Variants in FREM2 observed in about 807,000 individuals in gnomAD.
FREM2 encodes FRAS1 related extracellular matrix 2.
Under a neutral mutation model 219.9 loss-of-function variants are expected in FREM2, and 119 were observed. That is an observed-to-expected ratio of 0.54 (90% confidence interval 0.47 to 0.63). FREM2 has a LOEUF of 0.63. Ranked by LOEUF, FREM2 falls within the 30% of genes least tolerant of loss-of-function variation. The pLI is 0.00. For missense variants in FREM2, 4,030 were observed against 3,993.6 expected, an observed-to-expected ratio of 1.01 and a Z score of -0.25; for synonymous variants, 1,562 against 1,522.8, an observed-to-expected ratio of 1.03 and a Z score of -0.60.
intron 6 of FREM2, among the ~76,000 whole-genome samples, chr13:38,835,512 T>A (rs984450343): frequency 3.3e-5 from 5 of 152,252 alleles, no homozygotes; most frequent in African/African-American, 7.2e-5. Flanking sequence ...TGGAATAGCA[T>A]TGAATCTATA....
chr13:38,872,346 A>G (rs1264895284), intron 16 of FREM2, among the ~76,000 whole-genome samples: 2 of 152,148 alleles, frequency 1.3e-5, no homozygotes, highest in African/African-American at 4.8e-5. Context: ...GGTGATGAAA[A>G]TCTTCTAAAA....
intron 16 of FREM2, 83 bp downstream of exon 16, chr13:38,864,689 C>A: frequency 8.3e-7 from 1 of 1,201,314 alleles, no homozygotes. Context: ...TAAGTCCCAA[C>A]TCCAGTTTTC....
intron 2 of FREM2, among the ~76,000 whole-genome samples, chr13:38,752,512 A>G (rs1264696155): frequency 6.6e-6 from 1 of 152,178 alleles, no homozygotes; most frequent in Non-Finnish European, 1.5e-5. Flanking sequence ...ACAGTATTTT[A>G]ATTCATAGAA....
intron 2 of FREM2, among the ~76,000 whole-genome samples, chr13:38,712,138 C>A (rs1464803871): frequency 1.3e-5 from 2 of 151,994 alleles, no homozygotes; most frequent in African/African-American, 4.8e-5. Flanking sequence ...TCGTGATCCA[C>A]CTGCCTCGGC....
At chr13:38,743,143 C>A (rs953293118) in intron 2 of FREM2, among the ~76,000 whole-genome samples, 1 of 152,096 alleles carries the variant, frequency 6.6e-6, no homozygotes, top group Admixed American at 6.6e-5. Flanking sequence ...ATGTGAGGGT[C>A]TCCTGGCATC....
At chr13:38,808,686 T>C (rs565205677) in intron 6 of FREM2, among the ~76,000 whole-genome samples, 1 of 152,042 alleles carries the variant, frequency 6.6e-6, no homozygotes, top group Admixed American at 6.6e-5. Context: ...GGGCGCTGTT[T>C]GTGGCACCCC....
chr13:38,826,684 G>A (rs1441823555), intron 6 of FREM2, among the ~76,000 whole-genome samples: 5 of 152,030 alleles, frequency 3.3e-5, no homozygotes, highest in African/African-American at 9.7e-5. Context: ...CATATTAATC[G>A]TCATCTTTCT....
intron 1 of FREM2, among the ~76,000 whole-genome samples, chr13:38,696,549 A>G (rs1379656538): frequency 5.9e-5 from 9 of 152,186 alleles, no homozygotes; most frequent in Non-Finnish European, 1.3e-4. Context: ...TCTTGACTTT[A>G]TGTAGTCTTA....
intron 16 of FREM2, among the ~76,000 whole-genome samples, chr13:38,866,932 C>A (rs1448598209): frequency 6.6e-6 from 1 of 152,200 alleles, no homozygotes; most frequent in Non-Finnish European, 1.5e-5. Flanking sequence ...AGCCTGCCCT[C>A]TACTGTGTTC....
At chr13:38,766,708 A>G (rs1873450156) in intron 3 of FREM2, among the ~76,000 whole-genome samples, 1 of 152,228 alleles carries the variant, frequency 6.6e-6, no homozygotes, top group Admixed American at 6.5e-5. Flanking sequence ...ACTAAAACTA[A>G]TAAACTAGAT....
chr13:38,859,393 C>A lies in FREM2; in HGVS notation c.7322C>A (p.Ala2441Glu). Residue 2441 changes from alanine to glutamate, a missense_variant, in exon 14 of 24, where the codon GCG (alanine) becomes GAG (glutamate). Around this residue, in one of 2 missense-constraint regions of FREM2, gnomAD observed 928 missense variants for 1,042.9 expected, o/e 0.89. Coordinates refer to ENST00000280481, the MANE Select transcript of FREM2 (RefSeq NM_207361.6). ...TACCGGTGGCTGATTAGTGCACCTGCGGGCCCTGACGGTGTGACCAGCCCT... is the reference window on the plus strand; with the variant it reads ...TACCGGTGGCTGATTAGTGCACCTGAGGGCCCTGACGGTGTGACCAGCCCT... ...TRYRWLISAP[A>E]GPDGVTSPMR... The A allele has an allele frequency of 6.2e-7, 1 of 1,614,158 alleles. No homozygotes were observed. Among genetic ancestry groups the A allele is most frequent in the African/African-American group, 1.3e-5 (1 of 75,042 alleles).
chr13:38,842,639 A>G (rs925777727), intron 6 of FREM2, among the ~76,000 whole-genome samples: 11 of 152,242 alleles, frequency 7.2e-5, no homozygotes, highest in African/African-American at 2.7e-4. Context: ...GCTTACTTGA[A>G]TGATGGTCTA....
At chr13:38,805,362 A>G (rs572125073) in intron 6 of FREM2, among the ~76,000 whole-genome samples, 1 of 152,062 alleles carries the variant, frequency 6.6e-6, no homozygotes, top group African/African-American at 2.4e-5. Flanking sequence ...CGTTCAAAAA[A>G]GATTGTGCGT....
intron 2 of FREM2, among the ~76,000 whole-genome samples, chr13:38,739,815 T>A (rs776142097): frequency 2.0e-5 from 3 of 152,196 alleles, no homozygotes; most frequent in Non-Finnish European, 4.4e-5. Flanking sequence ...TTGGAATTTG[T>A]TTTACTGATA....
At chr13:38,769,897 T>A (rs1873588454) in intron 4 of FREM2, 89 bp downstream of exon 4, 1 of 947,890 alleles carries the variant, frequency 1.1e-6, no homozygotes, top group Non-Finnish European at 1.7e-6. Context: ...AGTTTTAAAT[T>A]CAATGTTTGA....
At chr13:38,857,734 C>A in intron 12 of FREM2, 141 bp from the exon 13 acceptor site, 1 of 721,252 alleles carries the variant, frequency 1.4e-6, no homozygotes. Context: ...GGGCCTGTTG[C>A]TCTCCAGGGG....
At chr13:38,693,881 C>T (rs1566107091) in intron 1 of FREM2, among the ~76,000 whole-genome samples, 1 of 152,150 alleles carries the variant, frequency 6.6e-6, no homozygotes, top group African/African-American at 2.4e-5. Context: ...CTCAAAGTGC[C>T]AAGTGTCATG....
rs745954947 is a variant in FREM2, at chr13:38,690,183, A to G, written c.2839A>G (p.Thr947Ala). Reference sequence around the variant, plus strand: ...TGAAGTGCCCATACTGAGCCATCCTACTGGCACTCTGGAGTCCTATCTAGA... The same window carrying G: ...TGAAGTGCCCATACTGAGCCATCCTGCTGGCACTCTGGAGTCCTATCTAGA... Reference protein sequence around the residue: ...DDEVPILSHPTGTLESYLDVL... With the variant: ...DDEVPILSHPAGTLESYLDVL... Residue 947 changes from threonine to alanine, a missense_variant, in exon 1 of 24, where the codon ACT becomes GCT. Thr to Ala is a moderately conservative substitution (Grantham distance 58). This residue lies in a region of FREM2 where 3,102 missense variants were observed against 2,950.7 expected (regional missense o/e 1.05). Transcript: ENST00000280481. 2.3e-5 allele frequency: 37 copies of G among 1,614,036 alleles called. No homozygotes were observed. The highest frequency in any genetic ancestry group is 3.0e-5 in the Non-Finnish European group (35 of 1,180,018).
Position 38,856,578 on chromosome 13 carries a change from G to A in FREM2, c.7056+322G>A, listed in dbSNP as rs140227475. On this transcript the variant is annotated intron_variant, in intron 12 of 23. Coordinates refer to ENST00000280481, the MANE Select transcript of FREM2 (RefSeq NM_207361.6). The stretch of plus-strand genomic sequence containing the variant: ...CTTGGGATTAACCATCAGAGAGAAA[G>A]CAACATCTCAGAGTAAAGAGGGAAC... 4.2e-3 allele frequency among the ~76,000 whole-genome samples: 632 copies of A among 152,056 alleles called. 3 individuals carry two copies. The Middle Eastern group carries it at 0.048, about 11-fold the overall frequency.
Sources: gnomAD v4.1 joint callset for allele counts (sites outside exome capture counted in the v4.1 genomes callset) on GRCh38, gnomAD v4.1.1 for gene constraint, gnomAD v4.1.1 regional missense constraint, MANE v1.5 for transcripts, NCBI Gene and HGNC (gene_info 2026-07-23, HGNC 2026-07-21) for gene names.